The following RANBP17 variants were observed in gnomAD, a reference collection of about 807,000 sequenced individuals.
RANBP17 encodes ran-binding protein 17.
Under a neutral mutation model 141.2 loss-of-function variants are expected in RANBP17, and 158 were observed. The ratio of observed to expected loss-of-function variants is 1.12; its 90% CI spans 0.98 to 1.28. The LOEUF (loss-of-function observed/expected upper bound fraction) is 1.28. Ranked by LOEUF, RANBP17 falls within the 50% of genes most tolerant of loss-of-function variation. RANBP17 has a pLI of 0.00. For missense variants in RANBP17, 1,438 were observed against 1,290.7 expected (o/e 1.11, Z -1.75); for synonymous variants, 430 against 450.0 (o/e 0.96, Z 0.56).
At chr5:171,158,914 G>A (rs1759097278) in intron 14 of RANBP17, among the ~76,000 whole-genome samples, 1 of 152,152 alleles carries the variant, frequency 6.6e-6, no homozygotes, top group Non-Finnish European at 1.5e-5. Context: ...CATGTTGTAA[G>A]TTATGAATCC....
Sources: gnomAD v4.1 joint callset for allele counts (sites outside exome capture counted in the v4.1 genomes callset) on GRCh38, gnomAD v4.1.1 for gene constraint, MANE v1.5 for transcripts, NCBI Gene and HGNC (gene_info 2026-07-23, HGNC 2026-07-21) for gene names.